CEP128: variants seen among roughly 807,000 people sequenced by gnomAD.
The protein encoded by CEP128 is centrosomal protein 128kDa.
In CEP128, 132 loss-of-function variants were observed where a neutral mutation model predicts 156.7. That is an observed-to-expected ratio of 0.84 (90% CI 0.73 to 0.97). The LOEUF (loss-of-function observed/expected upper bound fraction) is 0.97. Ranked by LOEUF, CEP128 falls within the 50% of genes least tolerant of loss-of-function variation. The pLI is 0.00. For synonymous variants in CEP128, 469 were observed against 448.9 expected (o/e 1.04, Z -0.57); for missense variants, 1,252 against 1,281.9 (o/e 0.98, Z 0.36).
downstream of CEP128, among the ~76,000 whole-genome samples, chr14:80,488,415 A>C (rs1414870291): frequency 6.6e-6 from 1 of 151,316 alleles, no homozygotes; most frequent in Non-Finnish European, 1.5e-5. Context: ...AGAGAATTGC[A>C]AATCAAAACC....
rs1886075571 is a variant in CEP128 at position 80,836,322 on chromosome 14, T to C, written c.940A>G (p.Thr314Ala). The change falls in exon 12 of 25, where the codon ACA becomes GCA. Residue 314 changes from threonine to alanine, a missense_variant. Transcript: ENST00000555265. ...TCACCTTCTGCTTTCGTAAGTTGTG[T>C]ACGCAGTTCTTCTACCTAACACATG... is the stretch of plus-strand genomic sequence containing the variant. The part of the protein sequence containing the change: ...TLLHQVEELR[T>A]QLTKAEGDRK... 1 of 1,614,086 alleles carries C rather than the reference T, an allele frequency of 6.2e-7. No individual in the cohort carries two copies. Among genetic ancestry groups the C allele is most frequent in the South Asian group, 1.1e-5 (1 of 91,050 alleles).
chr14:80,936,898 G>T (rs945986604), intron 2 of CEP128, among the ~76,000 whole-genome samples: 2 of 151,220 alleles, frequency 1.3e-5, no homozygotes, highest in Non-Finnish European at 2.9e-5. Context: ...ATACCTTGTT[G>T]TAAGAGTATT....
intron 20 of CEP128, among the ~76,000 whole-genome samples, chr14:80,569,761 T>C (rs1891060201): frequency 6.6e-6 from 1 of 152,212 alleles, no homozygotes; most frequent in Non-Finnish European, 1.5e-5. Context: ...AAGTGGTCTT[T>C]ACATGTTTAT....
chr14:80,484,996 C>G (rs1278636467), intron 14 of CEP128, among the ~76,000 whole-genome samples: 1 of 152,112 alleles, frequency 6.6e-6, no homozygotes. Context: ...ACATTGTCTA[C>G]AGCTCAAAAG....
At chr14:80,919,803 A>G (rs1262086044) in intron 2 of CEP128, among the ~76,000 whole-genome samples, 1 of 152,198 alleles carries the variant, frequency 6.6e-6, no homozygotes, top group African/African-American at 2.4e-5. Flanking sequence ...TTTTACTAAG[A>G]CAGAATCACA....
intron 19 of CEP128, among the ~76,000 whole-genome samples, chr14:80,699,444 CT>C (rs1183068130): frequency 6.6e-6 from 1 of 152,178 alleles, no homozygotes; most frequent in Non-Finnish European, 1.5e-5. Context: ...TTCTTTTTGA[CT>C]CTCCCAAGGA....
intron 9 of CEP128, among the ~76,000 whole-genome samples, chr14:80,841,090 G>T (rs1595483152): frequency 6.6e-6 from 1 of 152,056 alleles, no homozygotes; most frequent in African/African-American, 2.4e-5. Context: ...ATAAAATGAG[G>T]AAAAAGAAAG....
intron 9 of CEP128, among the ~76,000 whole-genome samples, chr14:80,845,189 C>T (rs1338004586): frequency 1.3e-5 from 2 of 152,132 alleles, no homozygotes; most frequent in Non-Finnish European, 2.9e-5. Flanking sequence ...AAAACAAAAC[C>T]TTAATTACTT....
intron 4 of CEP128, among the ~76,000 whole-genome samples, chr14:80,909,089 G>A (rs989231243): frequency 2.8e-5 from 4 of 141,920 alleles, no homozygotes; most frequent in African/African-American, 1.0e-4. Context: ...TCATCTTGAA[G>A]GAGGAAGAAA....
chr14:80,775,301 C>CAA (rs1335561954), intron 16 of CEP128, among the ~76,000 whole-genome samples: 1 of 152,150 alleles, frequency 6.6e-6, no homozygotes, highest in Non-Finnish European at 1.5e-5. Context: ...TACTATCTCT[C>CAA]AAAGAGAAAG....
At chr14:80,915,536 TA>T (rs2139501524) in intron 3 of CEP128, among the ~76,000 whole-genome samples, 1 of 152,318 alleles carries the variant, frequency 6.6e-6, no homozygotes, top group Non-Finnish European at 1.5e-5. Flanking sequence ...TTTTCCCCTA[TA>T]GCTGTGTTAC....
chr14:80,697,669 T>C lies in CEP128; in HGVS notation c.2806+45406A>G, dbSNP rs184823498. ...ATTTTAAATAGAAAAATAGAAGATG[T>C]TACACTGTAACATCTGTTCCATCTG... On this transcript the variant is annotated intron_variant, in intron 19 of 24. Coordinates refer to ENST00000555265, the MANE Select transcript of CEP128 (RefSeq NM_152446.5). Among the ~76,000 whole-genome samples the C allele has an allele frequency of 4.6e-5, 7 of 152,124 alleles. No individual in the cohort carries two copies. The East Asian group carries it at 1.4e-3, about 29-fold the overall frequency.
At chr14:80,731,700 A>T (rs557921758) in intron 19 of CEP128, among the ~76,000 whole-genome samples, 1 of 152,312 alleles carries the variant, frequency 6.6e-6, no homozygotes, top group Admixed American at 6.5e-5. Flanking sequence ...GCACATCAAA[A>T]TCTCGGTAAA....
intron 19 of CEP128, among the ~76,000 whole-genome samples, chr14:80,647,037 GTATATATATATATATATATA>G (rs60895994): frequency 0.023 from 1,620 of 69,598 alleles, 102 homozygotes; most frequent in African/African-American, 0.058. Context: ...ATGTGTGCAT[GTATATATATATATATATATA>G]TATATATATA....
At chr14:80,649,091 T>C (rs1439890102) in intron 19 of CEP128, among the ~76,000 whole-genome samples, 1 of 152,160 alleles carries the variant, frequency 6.6e-6, no homozygotes, top group Non-Finnish European at 1.5e-5. Flanking sequence ...TTAAGATTTA[T>C]ATAAACTTGT....
At chr14:80,884,031 T>C (rs909534267) in intron 8 of CEP128, among the ~76,000 whole-genome samples, 1 of 152,134 alleles carries the variant, frequency 6.6e-6, no homozygotes, top group Non-Finnish European at 1.5e-5. Flanking sequence ...TATGCAGAAG[T>C]ATGAAACTAG....
chr14:80,891,617 A>G (rs1490931617), intron 8 of CEP128, among the ~76,000 whole-genome samples: 1 of 151,890 alleles, frequency 6.6e-6, no homozygotes. Context: ...TGGAAAGAAT[A>G]AATAAAACCA....
At chr14:80,809,349 C>T (rs1884371307) in intron 13 of CEP128, among the ~76,000 whole-genome samples, 1 of 151,776 alleles carries the variant, frequency 6.6e-6, no homozygotes. Flanking sequence ...AGAAACAGAG[C>T]AGACATGATA....
At chr14:80,840,231 T>C (rs1027476488) in intron 10 of CEP128, among the ~76,000 whole-genome samples, 1 of 152,130 alleles carries the variant, frequency 6.6e-6, no homozygotes, top group African/African-American at 2.4e-5. Flanking sequence ...TTCATAGAAA[T>C]GAACACACAG....
Sources: gnomAD v4.1 joint callset for allele counts (sites outside exome capture counted in the v4.1 genomes callset) on GRCh38, gnomAD v4.1.1 for gene constraint, MANE v1.5 for transcripts, NCBI Gene and HGNC (gene_info 2026-07-23, HGNC 2026-07-21) for gene names.